DYNC1I1: variants seen among roughly 807,000 people sequenced by gnomAD.
DYNC1I1 encodes the protein cytoplasmic dynein 1 intermediate chain 1.
DYNC1I1 carries 43 observed loss-of-function variants against 86.6 expected under a neutral mutation model. That is an observed-to-expected ratio of 0.50 (90% CI 0.39 to 0.64). The LOEUF (loss-of-function observed/expected upper bound fraction) is 0.64. DYNC1I1 is among the 30% of genes least tolerant of loss of function. The pLI is 0.00. For missense variants in DYNC1I1, 604 were observed against 788.8 expected (o/e 0.77, Z 2.81); for synonymous variants, 262 against 283.7 (o/e 0.92, Z 0.77).
At chr7:96,021,041 C>T (rs999879909) in intron 10 of DYNC1I1, among the ~76,000 whole-genome samples, 11 of 152,034 alleles carry the variant, frequency 7.2e-5, no homozygotes, top group South Asian at 2.1e-4. Context: ...TAGTGTTTAA[C>T]GGGTACCAAG....
chr7:95,967,588 C>T (rs1721586284), intron 6 of DYNC1I1, among the ~76,000 whole-genome samples: 1 of 152,152 alleles, frequency 6.6e-6, no homozygotes. Flanking sequence ...ATTGTGACAC[C>T]TACTACTGTG....
At position 95,798,471 on chromosome 7, in the gene DYNC1I1, A is replaced by G. The variant is rs542064095; in HGVS notation, c.-9-6250A>G. ...AGGTGAAATGGGGCTGTGAAAGATCAAATTTCTTACACGTATCTGTGGCAG... is the reference window on the plus strand; with the variant it reads ...AGGTGAAATGGGGCTGTGAAAGATCGAATTTCTTACACGTATCTGTGGCAG... On this transcript the variant is annotated intron_variant, in intron 1 of 16. Coordinates refer to ENST00000447467, the MANE Select transcript of DYNC1I1 (RefSeq NM_001135556.2). 2.2e-4 allele frequency among the ~76,000 whole-genome samples: 33 copies of G among 152,232 alleles called. 1 individual carries two copies. The South Asian group carries it at 6.2e-3, about 29-fold the overall frequency.
intron 6 of DYNC1I1, among the ~76,000 whole-genome samples, chr7:95,960,132 G>GTT (rs1429365464): frequency 6.6e-6 from 1 of 152,110 alleles, no homozygotes; most frequent in African/African-American, 2.4e-5. Flanking sequence ...TTGAGACGGA[G>GTT]TTTTGCTCTA....
At chr7:95,987,802 A>G (rs1434949602) in intron 9 of DYNC1I1, among the ~76,000 whole-genome samples, 2 of 152,190 alleles carry the variant, frequency 1.3e-5, no homozygotes, top group Admixed American at 1.3e-4. Flanking sequence ...TTAGTAACTC[A>G]TTATTTTCAT....
intron 14 of DYNC1I1, among the ~76,000 whole-genome samples, chr7:96,065,594 C>T (rs1443399866): frequency 6.6e-6 from 1 of 152,072 alleles, no homozygotes; most frequent in Admixed American, 6.6e-5. Flanking sequence ...CGCCATGTTG[C>T]CCAGGCTGGT....
At position 95,995,941 on chromosome 7, in the gene DYNC1I1, CATTTA is replaced by C; in HGVS notation, c.844-6_844-2del. 6.3e-7 allele frequency: 1 copy of C among 1,581,644 alleles called. No individual in the cohort carries two copies. The highest frequency in any genetic ancestry group is 1.2e-5 in the South Asian group (1 of 84,440). On this transcript the variant is annotated splice_acceptor_variant and splice_polypyrimidine_tract_variant and intron_variant, in intron 9 of 16. Transcript: ENST00000447467. LOFTEE classifies it high-confidence loss of function. ...CATAATTCATCCTTGTGACCTCTTC[CATTTA>C]GTACCCTGAGCTGATGGTGGCTTCT... is the stretch of plus-strand genomic sequence containing the variant.
intron 10 of DYNC1I1, among the ~76,000 whole-genome samples, chr7:96,007,759 A>G (rs1794176211): frequency 6.6e-6 from 1 of 152,228 alleles, no homozygotes; most frequent in African/African-American, 2.4e-5. Context: ...TGCCTAGTTC[A>G]CACATATCAA....
chr7:95,801,097 A>G (rs1794567244), intron 1 of DYNC1I1, among the ~76,000 whole-genome samples: 1 of 152,226 alleles, frequency 6.6e-6, no homozygotes, highest in Admixed American at 6.5e-5. Flanking sequence ...TTATTCTCCT[A>G]GAGGTTGATG....
chr7:96,106,599 A>T (rs1791218780), intron 16 of DYNC1I1, among the ~76,000 whole-genome samples: 1 of 147,316 alleles, frequency 6.8e-6, no homozygotes, highest in African/African-American at 2.5e-5. Context: ...TATTCCACAG[A>T]TTTTGCAATA....
intron 6 of DYNC1I1, among the ~76,000 whole-genome samples, chr7:95,941,735 TC>T (rs1445535899): frequency 6.6e-6 from 1 of 152,196 alleles, no homozygotes; most frequent in East Asian, 1.9e-4. Flanking sequence ...AAAGGGAACT[TC>T]CTGACCACTT....
intron 6 of DYNC1I1, among the ~76,000 whole-genome samples, chr7:95,977,288 T>C (rs771180448): frequency 4.6e-5 from 7 of 152,160 alleles, no homozygotes; most frequent in South Asian, 2.1e-4. Context: ...CCATTCAGTA[T>C]GGTTTTCTCA....
intron 16 of DYNC1I1, among the ~76,000 whole-genome samples, chr7:96,095,924 G>A (rs1233379878): frequency 6.6e-6 from 1 of 152,072 alleles, no homozygotes; most frequent in African/African-American, 2.4e-5. Context: ...CAAGACTATT[G>A]TGAACTTGTG....
intron 6 of DYNC1I1, among the ~76,000 whole-genome samples, chr7:95,920,838 T>C (rs2116375726): frequency 6.6e-6 from 1 of 152,342 alleles, no homozygotes; most frequent in Non-Finnish European, 1.5e-5. Context: ...CCTTTGCTTA[T>C]AAATAGACTT....
At chr7:95,861,620 T>A (rs897077597) in intron 5 of DYNC1I1, among the ~76,000 whole-genome samples, 1 of 149,888 alleles carries the variant, frequency 6.7e-6, no homozygotes, top group Non-Finnish European at 1.5e-5. Context: ...TTTTGCAATT[T>A]TTTTTTTTTA....
At chr7:95,932,882 T>A (rs1482266640) in intron 6 of DYNC1I1, among the ~76,000 whole-genome samples, 1 of 149,104 alleles carries the variant, frequency 6.7e-6, no homozygotes, top group Non-Finnish European at 1.5e-5. Context: ...TTTTTTAATT[T>A]TTTTTTTTTT....
At chr7:95,843,437 A>G (rs1789342506) in intron 5 of DYNC1I1, among the ~76,000 whole-genome samples, 1 of 152,158 alleles carries the variant, frequency 6.6e-6, no homozygotes, top group African/African-American at 2.4e-5. Flanking sequence ...TCAATGCTGT[A>G]ACTTGGGGCA....
intron 1 of DYNC1I1, among the ~76,000 whole-genome samples, chr7:95,780,434 A>ATT (rs34375387): frequency 0.016 from 2,102 of 129,720 alleles, 30 homozygotes; most frequent in African/African-American, 0.031. Context: ...CACCCGGCTA[A>ATT]TTTTTTTTTT....
At chr7:95,780,978 AT>A (rs1793978004) in intron 1 of DYNC1I1, among the ~76,000 whole-genome samples, 1 of 151,788 alleles carries the variant, frequency 6.6e-6, no homozygotes, top group Non-Finnish European at 1.5e-5. Context: ...ATTGGTGTGT[AT>A]TTTGTGGAAG....
intron 9 of DYNC1I1, among the ~76,000 whole-genome samples, chr7:95,992,870 C>T (rs1249365699): frequency 1.3e-5 from 2 of 152,146 alleles, no homozygotes; most frequent in Non-Finnish European, 2.9e-5. Context: ...TGGCCTCAAC[C>T]TCTGTGTTGG....
Sources: gnomAD v4.1 joint callset for allele counts (sites outside exome capture counted in the v4.1 genomes callset) on GRCh38, gnomAD v4.1.1 for gene constraint, MANE v1.5 for transcripts, NCBI Gene and HGNC (gene_info 2026-07-23, HGNC 2026-07-21) for gene names.